The following MAP3K13 variants were observed in gnomAD, a reference collection of about 807,000 sequenced individuals.
MAP3K13 encodes the protein mitogen-activated protein kinase kinase kinase 13.
Under a neutral mutation model 104.0 loss-of-function variants are expected in MAP3K13, and 52 were observed. The observed-to-expected ratio is 0.50, with a 90% CI of 0.40 to 0.63. The LOEUF (loss-of-function observed/expected upper bound fraction) is 0.63, where lower values mean the gene tolerates loss of function less well. MAP3K13 is among the 20% of genes least tolerant of loss of function. The pLI, the probability that MAP3K13 is intolerant of heterozygous loss-of-function variation, is 0.00. For missense variants in MAP3K13, 914 were observed against 1,218.5 expected, an observed-to-expected ratio of 0.75 and a Z score of 3.72; for synonymous variants, 394 against 442.2, an observed-to-expected ratio of 0.89 and a Z score of 1.37.
In MAP3K13 at chr3:185,455,384, A is replaced by AT. The variant is rs1172299620; in HGVS notation, c.1278+3990dup. ...ATGAGATATATATGATATATATGAT[A>AT]TATATATCATATATGAGATATATAT... On this transcript the variant is annotated intron_variant, in intron 7 of 13. Transcript: ENST00000265026. Among the ~76,000 whole-genome samples the AT allele has an allele frequency of 2.9e-4, 29 of 99,250 alleles. 2 individuals carry two copies. The highest frequency in any genetic ancestry group is 1.0e-3 in the African/African-American group (28 of 27,550). The allele number at this position is 99,250 out of a possible 152,430, so 65.1% of individuals were successfully genotyped here. A position where few individuals can be genotyped will look rare whatever the true frequency, so the allele number is the denominator to read the frequency against.
At chr3:185,287,205 CT>C (rs1720544506) in intron 2 of MAP3K13, among the ~76,000 whole-genome samples, 1 of 152,080 alleles carries the variant, frequency 6.6e-6, no homozygotes, top group South Asian at 2.1e-4. Flanking sequence ...TGGGTGTTAC[CT>C]TTGTTTGCAA....
At chr3:185,391,186 T>G (rs1450948309) in intron 1 of MAP3K13, among the ~76,000 whole-genome samples, 1 of 152,228 alleles carries the variant, frequency 6.6e-6, no homozygotes, top group Non-Finnish European at 1.5e-5. Flanking sequence ...CTTTTCATTT[T>G]GTAAAACTGA....
chr3:185,375,624 GAGA>G (rs1251179264), intron 1 of MAP3K13, among the ~76,000 whole-genome samples: 1 of 152,158 alleles, frequency 6.6e-6, no homozygotes, highest in Non-Finnish European at 1.5e-5. Flanking sequence ...GTGGCCCGAT[GAGA>G]AGGAGAAAAA....
intron 1 of MAP3K13, among the ~76,000 whole-genome samples, chr3:185,411,812 T>A (rs1445919358): frequency 1.4e-5 from 2 of 138,160 alleles, no homozygotes; most frequent in Non-Finnish European, 3.1e-5. Context: ...TGAGACAGAA[T>A]CTCATTCTGT....
intron 2 of MAP3K13, among the ~76,000 whole-genome samples, chr3:185,297,203 A>G (rs1258542372): frequency 3.3e-5 from 5 of 152,216 alleles, no homozygotes; most frequent in Non-Finnish European, 5.9e-5. Context: ...CAGTCTGTCC[A>G]TTACAAAGGC....
At chr3:185,332,319 T>C (rs1722317480) in intron 2 of MAP3K13, among the ~76,000 whole-genome samples, 1 of 152,218 alleles carries the variant, frequency 6.6e-6, no homozygotes, top group African/African-American at 2.4e-5. Context: ...GGTTAAATAA[T>C]GGTTTCAGCA....
chr3:185,301,958 A>G (rs777917761), intron 2 of MAP3K13, among the ~76,000 whole-genome samples: 25 of 152,124 alleles, frequency 1.6e-4, no homozygotes, highest in Non-Finnish European at 2.9e-4. Context: ...GAGCCTTTTG[A>G]GATTTCATAT....
At chr3:185,359,639 A>G (rs1723522476), upstream of MAP3K13, among the ~76,000 whole-genome samples, 1 of 152,202 alleles carries the variant, frequency 6.6e-6, no homozygotes, top group Non-Finnish European at 1.5e-5. Flanking sequence ...TCACACAATA[A>G]TATAGGCTAT....
rs2148897442 is a variant in MAP3K13 at position 185,450,968 on chromosome 3, T to C, written c.1170-319T>C. On this transcript the variant is annotated intron_variant, in intron 6 of 13. Transcript: ENST00000265026. The surrounding 1 kb of genome is among the most constrained non-coding windows in gnomAD (Gnocchi z 4.2). ...AGCCAGGTCTGGTGGCGGGTGCCTGTAGTCCCAGCTACTCAGGAGGCTGAG... is the reference window on the plus strand; with the variant it reads ...AGCCAGGTCTGGTGGCGGGTGCCTGCAGTCCCAGCTACTCAGGAGGCTGAG... 6.6e-6 allele frequency among the ~76,000 whole-genome samples: 1 copy of C among 152,228 alleles called. No individual in the cohort carries two copies. The highest frequency in any genetic ancestry group is 2.1e-4 in the South Asian group (1 of 4,816).
At chr3:185,324,355 C>A (rs1721973932) in intron 2 of MAP3K13, among the ~76,000 whole-genome samples, 1 of 152,142 alleles carries the variant, frequency 6.6e-6, no homozygotes. Flanking sequence ...ATTTATATTT[C>A]TTCTCTGAAC....
At chr3:185,397,439 A>G (rs1445332821) in intron 1 of MAP3K13, among the ~76,000 whole-genome samples, 1 of 152,224 alleles carries the variant, frequency 6.6e-6, no homozygotes, top group Admixed American at 6.5e-5. Context: ...CAAAATCATT[A>G]AACTACAAAA....
intron 2 of MAP3K13, among the ~76,000 whole-genome samples, chr3:185,329,670 C>T (rs1353437400): frequency 6.6e-6 from 1 of 152,096 alleles, no homozygotes; most frequent in African/African-American, 2.4e-5. Context: ...TTAGAGTTGC[C>T]GTGTTTCAGC....
At chr3:185,306,031 A>AT (rs1431739758) in intron 2 of MAP3K13, among the ~76,000 whole-genome samples, 4 of 152,134 alleles carry the variant, frequency 2.6e-5, no homozygotes, top group African/African-American at 9.7e-5. Flanking sequence ...AACATGTAGT[A>AT]TTTGGTTTTC....
upstream of MAP3K13, among the ~76,000 whole-genome samples, chr3:185,359,874 A>G (rs1723531040): frequency 6.6e-6 from 1 of 151,950 alleles, no homozygotes; most frequent in Non-Finnish European, 1.5e-5. Flanking sequence ...ATGGGTCATG[A>G]TACTTTGGAC....
chr3:185,345,879 C>T (rs1255439835), intron 2 of MAP3K13, among the ~76,000 whole-genome samples: 1 of 132,544 alleles, frequency 7.5e-6, no homozygotes, highest in Non-Finnish European at 1.6e-5. Context: ...CTTCATGAAA[C>T]CGGTCCCTGG....
At chr3:185,404,130 C>T (rs879586762) in intron 1 of MAP3K13, among the ~76,000 whole-genome samples, 2 of 152,238 alleles carry the variant, frequency 1.3e-5, no homozygotes, top group African/African-American at 2.4e-5. Context: ...GCCATACTTA[C>T]ACTCTGCATA....
chr3:185,301,311 T>C (rs559488821), intron 2 of MAP3K13, among the ~76,000 whole-genome samples: 1 of 115,110 alleles, frequency 8.7e-6, no homozygotes, highest in Non-Finnish European at 2.2e-5. Context: ...CATTTTTAAA[T>C]TGGATTTTTT....
chr3:185,329,708 A>G (rs1471265018), intron 2 of MAP3K13, among the ~76,000 whole-genome samples: 1 of 152,188 alleles, frequency 6.6e-6, no homozygotes, highest in Admixed American at 6.5e-5. Flanking sequence ...AGGATCCAGG[A>G]ACTACACATT....
intron 1 of MAP3K13, among the ~76,000 whole-genome samples, chr3:185,422,666 C>CA (rs1040221215): frequency 1.7e-4 from 26 of 152,180 alleles, no homozygotes; most frequent in African/African-American, 6.3e-4. Context: ...TAGTTTGATT[C>CA]AAAAAAATAA....
Sources: gnomAD v4.1 joint callset for allele counts (sites outside exome capture counted in the v4.1 genomes callset) on GRCh38, gnomAD v4.1.1 for gene constraint, Gnocchi (gnomAD v3.1) non-coding constraint, MANE v1.5 for transcripts, NCBI Gene and HGNC (gene_info 2026-07-23, HGNC 2026-07-21) for gene names.